The following PCCA variants were observed in gnomAD, a reference collection of about 807,000 sequenced individuals.
PCCA encodes propionyl-CoA carboxylase alpha chain, mitochondrial.
PCCA carries 74 observed loss-of-function variants against 101.3 expected under a neutral mutation model. That is an observed-to-expected ratio of 0.73 (90% confidence interval 0.61 to 0.89). The LOEUF is 0.89. PCCA is among the 40% of genes least tolerant of loss of function. The pLI is 0.00. For synonymous variants in PCCA, 294 were observed against 313.6 expected, an observed-to-expected ratio of 0.94 and a Z score of 0.66; for missense variants, 891 against 907.0, an observed-to-expected ratio of 0.98 and a Z score of 0.23.
intron 4 of PCCA, among the ~76,000 whole-genome samples, chr13:100,128,010 G>A (rs1295750774): frequency 6.6e-6 from 1 of 152,204 alleles, no homozygotes; most frequent in Admixed American, 6.5e-5. Context: ...ACTCCTTAGT[G>A]GAGGGAAAGG....
intron 21 of PCCA, among the ~76,000 whole-genome samples, chr13:100,457,010 A>G (rs1256612588): frequency 2.6e-5 from 4 of 152,140 alleles, no homozygotes; most frequent in African/African-American, 7.2e-5. Context: ...CGCTTGACCA[A>G]GGTGCCCTCA....
At chr13:100,405,746 T>C (rs998679609) in intron 19 of PCCA, among the ~76,000 whole-genome samples, 1 of 149,154 alleles carries the variant, frequency 6.7e-6, no homozygotes, top group Admixed American at 6.7e-5. Flanking sequence ...TTGGAGCTCC[T>C]GGACCTGTTA....
chr13:100,221,588 T>C (rs1326832255), intron 7 of PCCA, among the ~76,000 whole-genome samples: 1 of 152,178 alleles, frequency 6.6e-6, no homozygotes, highest in Admixed American at 6.5e-5. Flanking sequence ...ATTAGATGAT[T>C]TGTAACATCC....
rs2063672260 is a variant in PCCA, at chr13:100,276,385, TTC to T, written c.1065+3041_1065+3042del. Among the ~76,000 whole-genome samples, 4 of 152,218 alleles carry T rather than the reference TTC, an allele frequency of 2.6e-5. No homozygotes were observed. The South Asian group carries it at 8.3e-4, about 31-fold the overall frequency. ...TTTCCTTTTGGTAGCATTTATTAAT[TTC>T]TGTTTTTGTTAGATTTCCTTTAACT... On this transcript the variant is annotated intron_variant, in intron 12 of 23. Transcript: ENST00000376285.
At chr13:100,223,614 G>A (rs1026258396) in intron 7 of PCCA, among the ~76,000 whole-genome samples, 2 of 152,140 alleles carry the variant, frequency 1.3e-5, no homozygotes, top group Non-Finnish European at 1.5e-5. Flanking sequence ...AGCTTCCACA[G>A]TGTGGAAGGG....
intron 6 of PCCA, among the ~76,000 whole-genome samples, chr13:100,200,182 G>A (rs1010915402): frequency 6.6e-6 from 1 of 152,142 alleles, no homozygotes; most frequent in Non-Finnish European, 1.5e-5. Context: ...TTGGCTCACT[G>A]CAAGCTCTGC....
chr13:100,210,902 G>A (rs2059171724), intron 7 of PCCA, among the ~76,000 whole-genome samples: 1 of 152,188 alleles, frequency 6.6e-6, no homozygotes, highest in Admixed American at 6.5e-5. Context: ...TTATCTATGT[G>A]TATCCATGTT....
intron 21 of PCCA, among the ~76,000 whole-genome samples, chr13:100,514,804 C>A (rs1277194389): frequency 6.6e-6 from 1 of 152,154 alleles, no homozygotes; most frequent in African/African-American, 2.4e-5. Flanking sequence ...TGCATCTTTT[C>A]CTAACCATCT....
chr13:100,225,153 C>T (rs1347270376), intron 7 of PCCA, among the ~76,000 whole-genome samples: 5 of 152,062 alleles, frequency 3.3e-5, no homozygotes, highest in Non-Finnish European at 7.4e-5. Context: ...AGGATAGAAA[C>T]GGTAGACCCC....
intron 21 of PCCA, chr13:100,481,008 C>T (rs989943905): frequency 3.3e-5 from 5 of 152,224 alleles, no homozygotes; most frequent in Admixed American, 3.3e-4. Flanking sequence ...TTCAGCTCGG[C>T]ACTTAGCCCA....
At chr13:100,476,408 A>C (rs906117366) in intron 21 of PCCA, among the ~76,000 whole-genome samples, 1 of 152,188 alleles carries the variant, frequency 6.6e-6, no homozygotes, top group African/African-American at 2.4e-5. Context: ...GACCACCTAC[A>C]TGTGTTTGTA....
At chr13:100,382,302 C>T (rs2076273981) in intron 19 of PCCA, among the ~76,000 whole-genome samples, 1 of 152,168 alleles carries the variant, frequency 6.6e-6, no homozygotes, top group African/African-American at 2.4e-5. Context: ...CCGGTTACTC[C>T]ATCAAGCTGT....
Position 100,436,130 on chromosome 13 carries a change from C to T in PCCA, c.1845+10399C>T, listed in dbSNP as rs753425191. ...GAGCCTGAGCAGTGGCTCAAGGGCC[C>T]GGATACCGAATCTTCTTGGTTCCAA... On this transcript the variant is annotated intron_variant, in intron 20 of 23. Transcript: ENST00000376285. Among the ~76,000 whole-genome samples the T allele has an allele frequency of 7.2e-5, 11 of 152,144 alleles. 1 individual carries two copies. In the East Asian group the frequency reaches 7.7e-4, roughly 11 times the overall value.
At chr13:100,415,237 TA>T (rs2078287551) in intron 19 of PCCA, among the ~76,000 whole-genome samples, 1 of 53,528 alleles carries the variant, frequency 1.9e-5, no homozygotes, top group South Asian at 1.3e-3. Flanking sequence ...ACCACACCTC[TA>T]CAAAAAAAAA....
intron 17 of PCCA, among the ~76,000 whole-genome samples, chr13:100,336,886 A>G (rs1473828968): frequency 6.6e-6 from 1 of 152,148 alleles, no homozygotes; most frequent in African/African-American, 2.4e-5. Context: ...AGTACAAGTG[A>G]CTTGCTCCTC....
intron 18 of PCCA, 68 bp downstream of exon 18, chr13:100,340,327 A>T: frequency 1.2e-6 from 1 of 845,702 alleles, no homozygotes; most frequent in South Asian, 1.3e-5. Flanking sequence ...TACATAGGAA[A>T]TACTAATAAA....
At chr13:100,183,171 G>T (rs2056955574) in intron 6 of PCCA, among the ~76,000 whole-genome samples, 1 of 152,082 alleles carries the variant, frequency 6.6e-6, no homozygotes, top group Non-Finnish European at 1.5e-5. Context: ...AAGGATTCAT[G>T]AGGGGGAGTA....
chr13:100,352,016 T>A (rs138843975), intron 18 of PCCA, among the ~76,000 whole-genome samples: 210 of 151,928 alleles, frequency 1.4e-3, no homozygotes, highest in African/African-American at 4.9e-3. Flanking sequence ...CTTTAAAAAA[T>A]AGTATTAGTA....
intron 6 of PCCA, among the ~76,000 whole-genome samples, chr13:100,158,815 T>G (rs1244905198): frequency 6.6e-6 from 1 of 152,052 alleles, no homozygotes; most frequent in Admixed American, 6.6e-5. Context: ...ATGCTGCTTT[T>G]GTCCTGTGAC....
Sources: gnomAD v4.1 joint callset for allele counts (sites outside exome capture counted in the v4.1 genomes callset) on GRCh38, gnomAD v4.1.1 for gene constraint, MANE v1.5 for transcripts, NCBI Gene and HGNC (gene_info 2026-07-23, HGNC 2026-07-21) for gene names.